Variants in CELF2 observed in about 807,000 individuals in gnomAD.
CELF2 encodes CUG triplet repeat RNA-binding protein 2.
A neutral mutation model predicts 62.6 loss-of-function variants in CELF2; 8 were observed. The observed-to-expected ratio is 0.13, with a 90% CI of 0.07 to 0.23. The LOEUF (loss-of-function observed/expected upper bound fraction) is 0.23, where lower values mean the gene tolerates loss of function less well. CELF2 is among the 10% of genes least tolerant of loss of function. The pLI, the probability that CELF2 is intolerant of heterozygous loss-of-function variation, is 1.00. For missense variants in CELF2, 333 were observed against 671.0 expected (o/e 0.50, Z 5.56); for synonymous variants, 258 against 250.0 (o/e 1.03, Z -0.30).
intron 2 of CELF2, chr10:10,935,103 A>G (rs1009873848): frequency 3.3e-5 from 5 of 152,252 alleles, no homozygotes; most frequent in African/African-American, 1.2e-4. Flanking sequence ...GGTGCACGAC[A>G]CTGTTAGGGG....
intron 2 of CELF2, chr10:10,925,129 T>C (rs981486267): frequency 4.6e-5 from 7 of 152,178 alleles, no homozygotes. Context: ...AGGGCTTTGA[T>C]AGGAAACATA....
the CELF2 span, among the ~76,000 whole-genome samples, chr10:10,523,631 C>T: frequency 2.0e-5 from 3 of 152,074 alleles, no homozygotes; most frequent in South Asian, 6.2e-4. Flanking sequence ...GGGCTGGGGA[C>T]ATCATGAATC....
intron 5 of CELF2, 96 bp downstream of exon 5, chr10:11,257,968 T>C (rs2079318311): frequency 6.3e-6 from 9 of 1,427,218 alleles, no homozygotes; most frequent in Non-Finnish European, 8.7e-6. Flanking sequence ...CGGCAAGAGG[T>C]CACCCTGTAA....
the CELF2 span, among the ~76,000 whole-genome samples, chr10:10,650,652 C>T: frequency 1.3e-5 from 2 of 152,126 alleles, no homozygotes; most frequent in Admixed American, 1.3e-4. Flanking sequence ...TCTAGGATGG[C>T]TATCATGAAA....
intron 1 of CELF2, among the ~76,000 whole-genome samples, chr10:10,830,463 TA>T (rs1297845233): frequency 1.3e-5 from 2 of 152,164 alleles, no homozygotes; most frequent in Non-Finnish European, 2.9e-5. Context: ...GTTCGTATAA[TA>T]TGTCACCCAT....
At chr10:11,005,066 T>G, upstream of CELF2, 1 of 985,372 alleles carries the variant, frequency 1.0e-6, no homozygotes, top group Non-Finnish European at 1.2e-6. The surrounding 1 kb of genome is among the most constrained non-coding windows in gnomAD (Gnocchi z 4.3). Context: ...TTAGGAGAAG[T>G]AATACCAGCC....
At chr10:10,539,730 A>G in the CELF2 span, among the ~76,000 whole-genome samples, 15,456 of 152,260 alleles carry the variant, frequency 0.1, 830 homozygotes, top group Middle Eastern at 0.2. Context: ...ACCAGGTATT[A>G]GGACTATGTG....
chr10:10,673,091 G>A, the CELF2 span, among the ~76,000 whole-genome samples: 29 of 151,836 alleles, frequency 1.9e-4, no homozygotes, highest in East Asian at 2.3e-3. Flanking sequence ...AAAATTTCAC[G>A]TATTCATTGC....
In CELF2 at chr10:11,269,208, T is replaced by G. The variant is rs970118891; in HGVS notation, c.619-1458T>G. On this transcript the variant is annotated intron_variant, in intron 6 of 12. Coordinates refer to ENST00000633077, the MANE Select transcript of CELF2 (RefSeq NM_001326342.2). This position sits in a 1 kb window ranked among gnomAD's most constrained non-coding sequence, Gnocchi z 4.4. ...ATACAGAAAAAAATGAATTACAGAT[T>G]TTTTTAAATGATGGAAATACTATTT... is the stretch of plus-strand genomic sequence containing the variant. Among the ~76,000 whole-genome samples, 1 of 152,196 alleles carries G rather than the reference T, an allele frequency of 6.6e-6. No individual in the cohort carries two copies. Among genetic ancestry groups the G allele is most frequent in the African/African-American group, 2.4e-5 (1 of 41,446 alleles).
intron 1 of CELF2, among the ~76,000 whole-genome samples, chr10:11,067,673 C>CT: frequency 6.6e-6 from 1 of 152,326 alleles, no homozygotes; most frequent in East Asian, 1.9e-4. Flanking sequence ...GCAAGAAACT[C>CT]TGTGTTCTGG....
At chr10:10,944,058 T>C (rs2047367666) in intron 2 of CELF2, 1 of 152,498 alleles carries the variant, frequency 6.6e-6, no homozygotes, top group African/African-American at 2.4e-5. Flanking sequence ...TCTTTTCTAG[T>C]ATTGGGTCTA....
At chr10:11,139,355 C>CAAA (rs2060927534) in intron 1 of CELF2, among the ~76,000 whole-genome samples, 2 of 152,122 alleles carry the variant, frequency 1.3e-5, no homozygotes, top group Admixed American at 6.5e-5. Flanking sequence ...ATTGTCTTTG[C>CAAA]AAAACACAGT....
At chr10:10,658,073 A>G in the CELF2 span, among the ~76,000 whole-genome samples, 28,832 of 152,148 alleles carry the variant, frequency 0.19, 3,327 homozygotes, top group Non-Finnish European at 0.27. Context: ...CACTTGGCCC[A>G]TAAAACGTCA....
chr10:11,029,678 T>C lies in CELF2; in HGVS notation c.74+11515T>C, dbSNP rs118139552. On this transcript the variant is annotated intron_variant, in intron 1 of 12. Coordinates refer to ENST00000633077, the MANE Select transcript of CELF2 (RefSeq NM_001326342.2). ...TCAAAGATGACTGTTGTTGCTGAGA[T>C]TCTTGGGAAGGGAAAACTAGGTCTG... 3.3e-5 allele frequency among the ~76,000 whole-genome samples: 5 copies of C among 152,350 alleles called. No individual in the cohort carries two copies. The East Asian group carries it at 9.6e-4, about 29-fold the overall frequency.
intron 1 of CELF2, among the ~76,000 whole-genome samples, chr10:10,847,484 C>A (rs2059091104): frequency 6.6e-6 from 1 of 152,132 alleles, no homozygotes; most frequent in African/African-American, 2.4e-5. Flanking sequence ...GCATGCTCGT[C>A]CTGCAGCAGA....
intron 1 of CELF2, among the ~76,000 whole-genome samples, chr10:11,056,813 A>G (rs2065349883): frequency 6.6e-6 from 1 of 152,212 alleles, no homozygotes; most frequent in Admixed American, 6.5e-5. Context: ...ATTCTAATCA[A>G]AGTCTGAAAA....
the CELF2 span, among the ~76,000 whole-genome samples, chr10:10,615,234 G>A: frequency 6.6e-6 from 1 of 152,126 alleles, no homozygotes; most frequent in South Asian, 2.1e-4. Context: ...ATTGTTTGTG[G>A]GTCCCGTATT....
rs554318549 is a variant in CELF2 at position 11,306,313 on chromosome 10, G to T, written c.977-7826G>T. Among the ~76,000 whole-genome samples, 14 of 152,046 alleles carry T rather than the reference G, an allele frequency of 9.2e-5. No individual in the cohort carries two copies. Among genetic ancestry groups the T allele is most frequent in the Non-Finnish European group, 2.1e-4 (14 of 68,016 alleles). On this transcript the variant is annotated intron_variant, in intron 9 of 12. Transcript: ENST00000633077. This position sits in a 1 kb window ranked among gnomAD's most constrained non-coding sequence, Gnocchi z 4.4. Reference sequence around the variant, plus strand: ...TTGTAAAACTTTTAAGTGAGAAAGCGTAGGGTACAGTTCTCAGCACAGACT... The same window carrying T: ...TTGTAAAACTTTTAAGTGAGAAAGCTTAGGGTACAGTTCTCAGCACAGACT...
At chr10:10,733,643 AAAAT>A in the CELF2 span, among the ~76,000 whole-genome samples, 6 of 152,288 alleles carry the variant, frequency 3.9e-5, no homozygotes, top group Admixed American at 2.0e-4. Context: ...GTGGAAGGTG[AAAAT>A]CCTGTCTTGC....
Sources: gnomAD v4.1 joint callset for allele counts (sites outside exome capture counted in the v4.1 genomes callset) on GRCh38, gnomAD v4.1.1 for gene constraint, Gnocchi (gnomAD v3.1) non-coding constraint, MANE v1.5 for transcripts, NCBI Gene and HGNC (gene_info 2026-07-23, HGNC 2026-07-21) for gene names.